The following CARD14 variants were observed in gnomAD, a reference collection of about 807,000 sequenced individuals.
The protein encoded by CARD14 is caspase recruitment domain-containing protein 14.
A neutral mutation model predicts 111.5 loss-of-function variants in CARD14; 107 were observed. The observed-to-expected ratio is 0.96, with a 90% CI of 0.82 to 1.13. The LOEUF (loss-of-function observed/expected upper bound fraction) is 1.13, where lower values mean the gene tolerates loss of function less well. Among genes scored for constraint, CARD14 ranks in the 50% most tolerant of loss-of-function variants. CARD14 has a pLI of 0.00. For synonymous variants in CARD14, 617 were observed against 579.6 expected, an observed-to-expected ratio of 1.06 and a Z score of -0.93; for missense variants, 1,322 against 1,362.3, an observed-to-expected ratio of 0.97 and a Z score of 0.47.
intron 9 of CARD14, among the ~76,000 whole-genome samples, chr17:80,190,341 G>A (rs372630039): frequency 2.0e-5 from 3 of 152,060 alleles, no homozygotes; most frequent in Non-Finnish European, 4.4e-5. Flanking sequence ...GAGGCCGGGC[G>A]CGGTGGCCCA....
intron 6 of CARD14, among the ~76,000 whole-genome samples, chr17:80,183,160 C>T (rs925012991): frequency 1.3e-5 from 2 of 152,230 alleles, no homozygotes; most frequent in Non-Finnish European, 2.9e-5. Context: ...GGCCCAGCCT[C>T]AGCTCTTAGG....
At chr17:80,191,499 G>A in intron 11 of CARD14, 27 bp downstream of exon 11, 1 of 1,601,614 alleles carries the variant, frequency 6.2e-7, no homozygotes, top group Non-Finnish European at 8.5e-7. Flanking sequence ...GACCCGAGCT[G>A]GAGGCCAGGC....
chr17:80,188,369 C>T lies in CARD14; in HGVS notation c.676-8C>T, dbSNP rs747175055. 6.2e-7 allele frequency: 1 copy of T among 1,606,526 alleles called. No individual in the cohort carries two copies. The highest frequency in any genetic ancestry group is 2.3e-5 in the East Asian group (1 of 43,984). On this transcript the variant is annotated splice_polypyrimidine_tract_variant and splice_region_variant and intron_variant, in intron 7 of 23. Coordinates refer to ENST00000648509, the MANE Select transcript of CARD14 (RefSeq NM_001366385.1). This position sits in a 1 kb window ranked among gnomAD's most constrained non-coding sequence, Gnocchi z 4.5. ...CATCGCCCTTCCTGTCGCCTCCCCA[C>T]CGCACAGCTGTATCTACTGAAGCAG... is the stretch of plus-strand genomic sequence containing the variant.
intron 6 of CARD14, among the ~76,000 whole-genome samples, chr17:80,183,503 G>A (rs2040238003): frequency 6.6e-6 from 1 of 152,230 alleles, no homozygotes; most frequent in African/African-American, 2.4e-5. Context: ...GGGTCATTAA[G>A]TCTGAACAGT....
chr17:80,187,659 G>C, intron 7 of CARD14: 2 of 648,998 alleles, frequency 3.1e-6, no homozygotes, highest in Non-Finnish European at 3.8e-6. Context: ...ACAGCCCAGG[G>C]GTGAGCACCG....
At chr17:80,205,357 T>G (rs944493644) in intron 21 of CARD14, 152 bp downstream of exon 21, 2 of 1,157,432 alleles carry the variant, frequency 1.7e-6, no homozygotes, top group African/African-American at 1.5e-5. Context: ...TAGTTCAGGA[T>G]GGAGGTGCAG....
At position 80,195,660 on chromosome 17, in the gene CARD14, C is replaced by A; in HGVS notation, c.1594+8C>A. 1 of 1,608,708 alleles carries A rather than the reference C, an allele frequency of 6.2e-7. No homozygotes were observed. The stretch of plus-strand genomic sequence containing the variant: ...AGCTCCTAGACACGGCAGGTGAGCA[C>A]GCCCAACCCTGAACCTCCACAGCAG... On this transcript the variant is annotated splice_region_variant and intron_variant, in intron 14 of 23. Transcript: ENST00000648509. The surrounding 1 kb of genome is among the most constrained non-coding windows in gnomAD (Gnocchi z 4.7).
In CARD14 at chr17:80,201,984, G is replaced by A; in HGVS notation, c.1978+114G>A. ...GCCAGGGACCCCCAGAGCCAAGAGA[G>A]GATCAGCCAGGCTGTGCCCCAGGTC... On this transcript the variant is annotated intron_variant, in intron 17 of 23. Transcript: ENST00000648509. This position sits in a 1 kb window ranked among gnomAD's most constrained non-coding sequence, Gnocchi z 5.0. The A allele has an allele frequency of 2.1e-6, 3 of 1,401,560 alleles. No homozygotes were observed. Among genetic ancestry groups the A allele is most frequent in the South Asian group, 1.4e-5 (1 of 72,280 alleles). 86.8% of individuals were successfully genotyped at this position (1,401,560 alleles called of 1,614,324 possible).
chr17:80,184,244 G>A lies in CARD14; in HGVS notation c.675+6G>A, dbSNP rs771219628. The A allele has an allele frequency of 2.0e-6, 3 of 1,512,608 alleles. No individual in the cohort carries two copies. The highest frequency in any genetic ancestry group is 4.9e-5 in the East Asian group (2 of 40,566). The allele number at this position is 1,512,608 out of a possible 1,614,324, so 93.7% of individuals were successfully genotyped here. A position where few individuals can be genotyped will look rare whatever the true frequency, so the allele number is the denominator to read the frequency against. On this transcript the variant is annotated splice_donor_region_variant and intron_variant, in intron 7 of 23. Transcript: ENST00000648509. ...GCCGCAGCCTGCAGGAGGAGGTAGG[G>A]GGACACCCTGCACCCCGGCGCGACC...
chr17:80,208,044 G>C (rs936287222), intron 23 of CARD14, 94 bp from the exon 24 acceptor site: 5 of 928,286 alleles, frequency 5.4e-6, no homozygotes, highest in Non-Finnish European at 7.8e-6. Context: ...CCTGTGTTTA[G>C]GGGTGTTTGG....
chr17:80,204,127 C>A, intron 19 of CARD14, 100 bp from the exon 20 acceptor site: 1 of 1,170,546 alleles, frequency 8.5e-7, no homozygotes, highest in Non-Finnish European at 1.2e-6. Flanking sequence ...GCCTCTGCAT[C>A]ACTCCCAGGT....
Position 80,203,990 on chromosome 17 carries a change from TGGA to T in CARD14, c.2283+108_2283+110del, listed in dbSNP as rs2041134004. 2 of 992,076 alleles carry T rather than the reference TGGA, an allele frequency of 2.0e-6. No homozygotes were observed. The highest frequency in any genetic ancestry group is 1.6e-5 in the African/African-American group (1 of 61,242). 61.5% of individuals were successfully genotyped at this position (992,076 alleles called of 1,614,324 possible). A position where few individuals can be genotyped will look rare whatever the true frequency, so the allele number is the denominator to read the frequency against. Reference sequence around the variant, plus strand: ...ACTGTGTGGAGAGTGGGCTGCTGATTGGAGGGTAACCCCACCTGTCTCTCCTCT... The same window carrying T: ...ACTGTGTGGAGAGTGGGCTGCTGATTGGGTAACCCCACCTGTCTCTCCTCT... On this transcript the variant is annotated intron_variant, in intron 19 of 23. Coordinates refer to ENST00000648509, the MANE Select transcript of CARD14 (RefSeq NM_001366385.1). This position sits in a 1 kb window ranked among gnomAD's most constrained non-coding sequence, Gnocchi z 4.6.
chr17:80,203,938 C>A lies in CARD14; in HGVS notation c.2283+53C>A. 1 of 1,439,046 alleles carries A rather than the reference C, an allele frequency of 6.9e-7. No homozygotes were observed. The highest frequency in any genetic ancestry group is 9.5e-7 in the Non-Finnish European group (1 of 1,049,276). The allele number at this position is 1,439,046 out of a possible 1,614,324, so 89.1% of individuals were successfully genotyped here. A position where few individuals can be genotyped will look rare whatever the true frequency, so the allele number is the denominator to read the frequency against. On this transcript the variant is annotated intron_variant, in intron 19 of 23. Transcript: ENST00000648509. This position sits in a 1 kb window ranked among gnomAD's most constrained non-coding sequence, Gnocchi z 4.6. ...CCACTGGGGTGGGCTGGAAGAGGGG[C>A]TCGGTGCTGGCAGGGTGGCAGGAGG...
intron 2 of CARD14, 91 bp downstream of exon 2, chr17:80,173,319 C>T (rs1321260924): frequency 2.7e-5 from 3 of 111,102 alleles, no homozygotes; most frequent in Admixed American, 8.9e-5. Context: ...CACACACACA[C>T]ACACACGCGC....
intron 11 of CARD14, 176 bp from the exon 12 acceptor site, chr17:80,192,327 G>A (rs1362509439): frequency 1.6e-5 from 9 of 580,496 alleles, no homozygotes; most frequent in African/African-American, 3.7e-5. Flanking sequence ...GATTGGCAGC[G>A]CCTGTGATCC....
At chr17:80,186,601 T>G (rs2040352715) in intron 7 of CARD14, among the ~76,000 whole-genome samples, 1 of 152,122 alleles carries the variant, frequency 6.6e-6, no homozygotes, top group African/African-American at 2.4e-5. Flanking sequence ...CAAGCTGGAG[T>G]GCAGTGGCGC....
rs1445676597 is a variant in CARD14 at position 80,208,693 on chromosome 17, G to A, written c.*348G>A. On this transcript the variant is annotated 3_prime_UTR_variant, in exon 24 of 24. Transcript: ENST00000648509. ...GACTTCTCTGGAAAACCGCCTGTCT[G>A]CAGGCCCGATTCAAATCTATGGGGG... 8.6e-6 allele frequency: 2 copies of A among 233,168 alleles called. No homozygotes were observed. Among genetic ancestry groups the A allele is most frequent in the Admixed American group, 5.7e-5 (1 of 17,564 alleles). 14.4% of individuals were successfully genotyped at this position (233,168 alleles called of 1,614,324 possible).
chr17:80,189,432 G>A lies in CARD14; in HGVS notation c.844-321G>A, dbSNP rs1296182175. On this transcript the variant is annotated intron_variant, in intron 8 of 23. Coordinates refer to ENST00000648509, the MANE Select transcript of CARD14 (RefSeq NM_001366385.1). The surrounding 1 kb of genome is among the most constrained non-coding windows in gnomAD (Gnocchi z 4.7). ...TGGGAAGTGAGTGTCAGAGGGGAAT[G>A]ACCTGTCTGCTGGTTTCTCCCTCGC... Among the ~76,000 whole-genome samples, 6 of 152,244 alleles carry A rather than the reference G, an allele frequency of 3.9e-5. No homozygotes were observed. The highest frequency in any genetic ancestry group is 8.8e-5 in the Non-Finnish European group (6 of 68,046).
Position 80,188,683 on chromosome 17 carries a change from T to C in CARD14, c.843+139T>C, listed in dbSNP as rs112565299. On this transcript the variant is annotated intron_variant, in intron 8 of 23. Transcript: ENST00000648509. This position sits in a 1 kb window ranked among gnomAD's most constrained non-coding sequence, Gnocchi z 4.5. ...AAATTTAGTGACTCATCTCACCCAC[T>C]TTCTCTTTACCTCCTTCCTTCCTGC... 6.5e-5 allele frequency: 56 copies of C among 865,804 alleles called. No homozygotes were observed. The African/African-American group carries it at 9.3e-4, about 14-fold the overall frequency. The allele number at this position is 865,804 out of a possible 1,614,324, so 53.6% of individuals were successfully genotyped here.
Sources: allele counts gnomAD v4.1 joint callset (sites outside exome capture counted in the v4.1 genomes callset), GRCh38; gene constraint gnomAD v4.1.1; non-coding constraint Gnocchi (gnomAD v3.1); transcripts MANE v1.5; gene names NCBI Gene and HGNC (gene_info 2026-07-23, HGNC 2026-07-21).